NINL: variants seen among roughly 807,000 people sequenced by gnomAD.
NINL encodes ninein-like protein.
Under a neutral mutation model 160.3 loss-of-function variants are expected in NINL, and 153 were observed. That is an observed-to-expected ratio of 0.95 (90% CI 0.84 to 1.09). The LOEUF (loss-of-function observed/expected upper bound fraction) is 1.09. NINL is among the 50% of genes least tolerant of loss of function. The probability of loss-of-function intolerance (pLI) is 0.00; values close to 1 mark genes in which losing one functional copy is unlikely to be tolerated. For missense variants in NINL, 1,829 were observed against 1,764.0 expected, an observed-to-expected ratio of 1.04 and a Z score of -0.66; for synonymous variants, 800 against 734.8, an observed-to-expected ratio of 1.09 and a Z score of -1.43.
intron 1 of NINL, among the ~76,000 whole-genome samples, chr20:25,585,217 G>C (rs898894266): frequency 1.6e-4 from 25 of 152,200 alleles, no homozygotes; most frequent in African/African-American, 5.8e-4. Context: ...TCAAGCGTTC[G>C]GCCCAGCGGG....
chr20:25,465,856 G>GA (rs1329401810), intron 19 of NINL, among the ~76,000 whole-genome samples: 1 of 152,050 alleles, frequency 6.6e-6, no homozygotes, highest in Non-Finnish European at 1.5e-5. Context: ...TTTAATAACT[G>GA]AAAAAATGAG....
intron 13 of NINL, among the ~76,000 whole-genome samples, chr20:25,488,208 A>C (rs527757643): frequency 6.6e-6 from 1 of 152,284 alleles, no homozygotes; most frequent in East Asian, 1.9e-4. Flanking sequence ...CGAGGTGTGA[A>C]GTGACTTCCT....
chr20:25,572,860 C>T (rs937626954), intron 1 of NINL, among the ~76,000 whole-genome samples: 27 of 152,172 alleles, frequency 1.8e-4, no homozygotes, highest in African/African-American at 5.8e-4. Flanking sequence ...TATTAACTTG[C>T]TTCCTCCCCA....
At chr20:25,453,932 G>T (rs1466930349) in intron 23 of NINL, among the ~76,000 whole-genome samples, 1 of 151,998 alleles carries the variant, frequency 6.6e-6, no homozygotes, top group Non-Finnish European at 1.5e-5. Context: ...GGCGCCTGTA[G>T]TCCCAGCTAC....
At chr20:25,584,063 G>A (rs2065201791) in intron 1 of NINL, among the ~76,000 whole-genome samples, 1 of 152,152 alleles carries the variant, frequency 6.6e-6, no homozygotes, top group Admixed American at 6.5e-5. Flanking sequence ...ATGACGGGTT[G>A]ATAGGTGCAG....
intron 17 of NINL, among the ~76,000 whole-genome samples, chr20:25,471,040 G>A (rs1402043258): frequency 1.3e-5 from 2 of 152,050 alleles, no homozygotes; most frequent in Non-Finnish European, 2.9e-5. Context: ...TTTTCTTTGA[G>A]ATGGGGTCTC....
At chr20:25,515,402 T>C (rs567449131) in intron 3 of NINL, among the ~76,000 whole-genome samples, 1 of 152,350 alleles carries the variant, frequency 6.6e-6, no homozygotes, top group East Asian at 1.9e-4. Context: ...GAAGTACCTA[T>C]CTAGTTTTTT....
At chr20:25,490,015 G>A (rs760731697) in intron 11 of NINL, 30 bp from the exon 12 acceptor site, 9 of 1,579,350 alleles carry the variant, frequency 5.7e-6, no homozygotes, top group Non-Finnish European at 6.1e-6. Flanking sequence ...GGCTCATCAG[G>A]CTCCTGCAGG....
At chr20:25,584,064 A>G (rs2065201823) in intron 1 of NINL, among the ~76,000 whole-genome samples, 1 of 152,216 alleles carries the variant, frequency 6.6e-6, no homozygotes, top group African/African-American at 2.4e-5. Context: ...TGACGGGTTG[A>G]TAGGTGCAGC....
chr20:25,518,139 A>C (rs1033878914), intron 2 of NINL, among the ~76,000 whole-genome samples: 3 of 152,234 alleles, frequency 2.0e-5, no homozygotes, highest in African/African-American at 7.2e-5. Flanking sequence ...CGTTACACAT[A>C]AGGTGAACGC....
intron 1 of NINL, among the ~76,000 whole-genome samples, chr20:25,584,961 CG>C (rs749077271): frequency 1.3e-4 from 20 of 152,242 alleles, no homozygotes; most frequent in Non-Finnish European, 2.5e-4. Flanking sequence ...CCAAGCGCCA[CG>C]AACGCGGGTC....
rs190664182 is a variant in NINL, at chr20:25,511,060, T to C, written c.451-320A>G. ...AAAATACAATCAAACACTCGTGTCATAGCAGCACAGAAGCTGTCCCCCTCT... is the reference window on the plus strand; with the variant it reads ...AAAATACAATCAAACACTCGTGTCACAGCAGCACAGAAGCTGTCCCCCTCT... On this transcript the variant is annotated intron_variant, in intron 4 of 23. Coordinates refer to ENST00000278886, the MANE Select transcript of NINL (RefSeq NM_025176.6). Among the ~76,000 whole-genome samples the C allele has an allele frequency of 3.9e-5, 6 of 152,300 alleles. No individual in the cohort carries two copies. The South Asian group carries it at 6.2e-4, about 16-fold the overall frequency.
intron 1 of NINL, among the ~76,000 whole-genome samples, chr20:25,584,408 C>T (rs907170851): frequency 3.9e-5 from 6 of 152,128 alleles, no homozygotes; most frequent in Admixed American, 1.3e-4. Flanking sequence ...TGCAGTGAGC[C>T]GAGATGGCGC....
chr20:25,580,098 C>T (rs930667441), intron 1 of NINL, among the ~76,000 whole-genome samples: 3 of 152,066 alleles, frequency 2.0e-5, no homozygotes, highest in African/African-American at 4.8e-5. Flanking sequence ...TTTGGGAGGC[C>T]GAGGCGGGTG....
chr20:25,480,191 GTAATGCTCC>G lies in NINL; in HGVS notation c.1878_1886del (p.Lys626_Tyr629delinsAsn). Reference sequence around the variant, plus strand: ...TCTCCAGCTGGGTCCTGAGGTCTTGGTAATGCTCCTTTACCTGCTCCATCATCAGCTCCG... The same window carrying G: ...TCTCCAGCTGGGTCCTGAGGTCTTGGTTTACCTGCTCCATCATCAGCTCCG... On this transcript the variant is annotated inframe_deletion, in exon 15 of 24. Transcript: ENST00000278886. The G allele has an allele frequency of 6.2e-7, 1 of 1,614,006 alleles. No individual in the cohort carries two copies. The highest frequency in any genetic ancestry group is 8.5e-7 in the Non-Finnish European group (1 of 1,179,972).
chr20:25,459,211 G>A (rs533245313), intron 21 of NINL, among the ~76,000 whole-genome samples: 19 of 152,290 alleles, frequency 1.2e-4, no homozygotes, highest in Non-Finnish European at 2.4e-4. Context: ...TGGGAATCAC[G>A]CACGCTCCAT....
chr20:25,504,309 C>A (rs2063922539), intron 6 of NINL, among the ~76,000 whole-genome samples: 1 of 152,230 alleles, frequency 6.6e-6, no homozygotes, highest in Admixed American at 6.5e-5. Flanking sequence ...AACCCACAGG[C>A]CTTGGTTTCC....
chr20:25,453,460 G>C lies in NINL; in HGVS notation c.4140C>G (p.Leu1380=). The part of the protein sequence containing the change: ...KLVSRIAPAA[L]SV ...AGAAAATAATCTGTCTTTACACAGA[G>C]AGGGCTGCGGGGGCAATCCTACTGA... The change falls in exon 24 of 24, where the codon CTC becomes CTG. Residue 1380 remains leucine, a synonymous_variant. Coordinates refer to ENST00000278886, the MANE Select transcript of NINL (RefSeq NM_025176.6). The C allele has an allele frequency of 1.2e-6, 2 of 1,606,782 alleles. No homozygotes were observed. Among genetic ancestry groups the C allele is most frequent in the Non-Finnish European group, 1.7e-6 (2 of 1,176,732 alleles).
rs117522200 is a variant in NINL at position 25,504,944 on chromosome 20, C to G, written c.652G>C (p.Glu218Gln). The G allele has an allele frequency of 2.8e-3, 4,503 of 1,612,764 alleles. 10 individuals are homozygous for G. Among genetic ancestry groups the G allele is most frequent in the Non-Finnish European group, 3.5e-3 (4,143 of 1,179,980 alleles). Residue 218 changes from glutamate to glutamine, a missense_variant, in exon 6 of 24, where the codon GAG becomes CAG. Coordinates refer to ENST00000278886, the MANE Select transcript of NINL (RefSeq NM_025176.6). ...LGVGSSGHLS[E>Q]QELAVVCQSV... ...TGGCAGACCACAGCCAGCTCCTGCT[C>G]GCTCAGGTGTCCGCTGCTGCCCACC...
Sources: gnomAD v4.1 joint callset for allele counts (sites outside exome capture counted in the v4.1 genomes callset) on GRCh38, gnomAD v4.1.1 for gene constraint, MANE v1.5 for transcripts, NCBI Gene and HGNC (gene_info 2026-07-23, HGNC 2026-07-21) for gene names.